Variants in C17orf78 observed in about 807,000 individuals in gnomAD.
C17orf78 encodes chromosome 17 open reading frame 78.
C17orf78 carries 27 observed loss-of-function variants against 31.8 expected under a neutral mutation model. The observed-to-expected ratio is 0.85, with a 90% CI of 0.63 to 1.17. The LOEUF is 1.17. C17orf78 is among the 50% of genes most tolerant of loss of function. The pLI, the probability that C17orf78 is intolerant of heterozygous loss-of-function variation, is 0.00. For missense variants in C17orf78, 258 were observed against 315.2 expected, an observed-to-expected ratio of 0.82 and a Z score of 1.37; for synonymous variants, 106 against 115.1, an observed-to-expected ratio of 0.92 and a Z score of 0.51.
chr17:37,384,031 C>T (rs1346031129), intron 3 of C17orf78, among the ~76,000 whole-genome samples: 4 of 152,008 alleles, frequency 2.6e-5, no homozygotes, highest in African/African-American at 7.2e-5. Flanking sequence ...TTTGGGAGCC[C>T]GAGGCGGGCA....
chr17:37,386,841 G>C (rs1304888789), intron 4 of C17orf78: 1 of 149,470 alleles, frequency 6.7e-6, no homozygotes, highest in African/African-American at 2.5e-5. Context: ...TTTTTTTTGA[G>C]ACAGGGTCTT....
At chr17:37,381,885 C>T (rs576604395) in intron 3 of C17orf78, among the ~76,000 whole-genome samples, 4 of 152,234 alleles carry the variant, frequency 2.6e-5, no homozygotes, top group Non-Finnish European at 5.9e-5. Context: ...CCTTGGCCTC[C>T]CAAAGTGCTG....
rs2049986510 is a variant in C17orf78, at chr17:37,376,026, C to T, written c.-67C>T. 3 of 1,375,918 alleles carry T rather than the reference C, an allele frequency of 2.2e-6. No individual in the cohort carries two copies. In the Admixed American group the frequency reaches 5.1e-5, roughly 23 times the overall value. The allele number at this position is 1,375,918 out of a possible 1,614,324, so 85.2% of individuals were successfully genotyped here. On this transcript the variant is annotated 5_prime_UTR_variant, in exon 1 of 7. Transcript: ENST00000615133. ...TGCGTGTGGTGAAAGCAACTAGAGG[C>T]AGAGCTATCAAGGGCTGTGACAGAT...
rs1409967268 is a variant in C17orf78, at chr17:37,392,023, T to G, written c.*299T>G. On this transcript the variant is annotated 3_prime_UTR_variant, in exon 7 of 7. Coordinates refer to ENST00000615133, the MANE Select transcript of C17orf78 (RefSeq NM_173625.5). ...CTATGAATGGACCTTACTACTCTCT[T>G]TGACAGAAGACTCAAACACAGCCTC... The G allele has an allele frequency of 3.0e-6, 1 of 337,084 alleles. No individual in the cohort carries two copies. The highest frequency in any genetic ancestry group is 5.5e-6 in the Non-Finnish European group (1 of 182,866). 20.9% of individuals were successfully genotyped at this position (337,084 alleles called of 1,614,324 possible).
At chr17:37,390,330 A>ATACATATATATATATCTATC (rs2050815584) in intron 6 of C17orf78, among the ~76,000 whole-genome samples, 3 of 41,584 alleles carry the variant, frequency 7.2e-5, no homozygotes, top group Admixed American at 5.0e-4. Context: ...ATATATATAT[A>ATACATATATATATATCTATC]TATAAAAGGC....
At chr17:37,376,887 G>A (rs1347218428) in intron 1 of C17orf78, among the ~76,000 whole-genome samples, 2 of 152,250 alleles carry the variant, frequency 1.3e-5, no homozygotes, top group East Asian at 3.9e-4. Flanking sequence ...CCTGGGAGGT[G>A]AGGTTGCAAT....
Position 37,390,171 on chromosome 17 carries a change from T to TAC in C17orf78, c.750+810_750+811insCA, listed in dbSNP as rs1214175820. Among the ~76,000 whole-genome samples, 34 of 56,170 alleles carry TAC rather than the reference T, an allele frequency of 6.1e-4. 2 individuals carry two copies. Among genetic ancestry groups the TAC allele is most frequent in the Admixed American group, 3.8e-3 (11 of 2,860 alleles). 36.8% of individuals were successfully genotyped at this position (56,170 alleles called of 152,430 possible). On this transcript the variant is annotated intron_variant, in intron 6 of 6. Transcript: ENST00000615133. The stretch of plus-strand genomic sequence containing the variant: ...ATATATATATATATATATATATATA[T>TAC]ATATACACACACACATTATATATAA...
intron 6 of C17orf78, 45 bp from the exon 7 acceptor site, chr17:37,391,602 C>T (rs780593895): frequency 1.3e-5 from 20 of 1,555,194 alleles, no homozygotes; most frequent in Non-Finnish European, 1.7e-5. Flanking sequence ...AAGAACTATA[C>T]ACTTGCATCC....
chr17:37,376,005 T>G lies in C17orf78; in HGVS notation c.-88T>G. 2 of 1,138,698 alleles carry G rather than the reference T, an allele frequency of 1.8e-6. No homozygotes were observed. Among genetic ancestry groups the G allele is most frequent in the Non-Finnish European group, 2.6e-6 (2 of 758,956 alleles). The allele number at this position is 1,138,698 out of a possible 1,614,324, so 70.5% of individuals were successfully genotyped here. ...AGGGTCAAACTTGGTTCCAGCTGCG[T>G]GTGGTGAAAGCAACTAGAGGCAGAG... On this transcript the variant is annotated 5_prime_UTR_variant, in exon 1 of 7. Transcript: ENST00000615133.
At chr17:37,379,821 TTGG>T (rs1568078313) in intron 3 of C17orf78, among the ~76,000 whole-genome samples, 1 of 147,504 alleles carries the variant, frequency 6.8e-6, no homozygotes, top group Non-Finnish European at 1.5e-5. Flanking sequence ...TTTTACACTG[TTGG>T]TGGGACTGTA....
intron 6 of C17orf78, among the ~76,000 whole-genome samples, chr17:37,390,209 A>G (rs2050752038): frequency 1.2e-5 from 1 of 81,750 alleles, no homozygotes; most frequent in Non-Finnish European, 2.1e-5. Context: ...ATATATAATT[A>G]TATATTTATT....
rs1176978447 is a variant in C17orf78 at position 37,379,172 on chromosome 17, C to G, written c.181C>G (p.Gln61Glu). Residue 61 changes from glutamine to glutamate, a missense_variant, in exon 3 of 7, where the codon CAA (glutamine) becomes GAA (glutamate). By Grantham distance (29) the Gln-to-Glu change is conservative. Transcript: ENST00000615133. Reference sequence around the variant, plus strand: ...AGAAACCAAAAGGACAACATTCATTCAAAACCGGACTATAGCTACCCTGCA... The same window carrying G: ...AGAAACCAAAAGGACAACATTCATTGAAAACCGGACTATAGCTACCCTGCA... ...HTETKRTTFI[Q>E]NRTIATLQCL... The G allele has an allele frequency of 6.2e-7, 1 of 1,613,930 alleles. No homozygotes were observed. The highest frequency in any genetic ancestry group is 2.2e-5 in the East Asian group (1 of 44,878).
intron 3 of C17orf78, among the ~76,000 whole-genome samples, chr17:37,383,874 A>G (rs2050412618): frequency 6.6e-6 from 1 of 152,174 alleles, no homozygotes; most frequent in Admixed American, 6.6e-5. Flanking sequence ...TTATGTATGA[A>G]CTTTTGAAAC....
At chr17:37,380,406 C>G (rs2050194687) in intron 3 of C17orf78, among the ~76,000 whole-genome samples, 1 of 151,496 alleles carries the variant, frequency 6.6e-6, no homozygotes, top group Non-Finnish European at 1.5e-5. Flanking sequence ...GCACATGTAC[C>G]CTAAAACTTA....
chr17:37,388,692 G>T lies in C17orf78; in HGVS notation c.531G>T (p.Lys177Asn). ...TAGACACAGATGAGAACCTAGAGAA[G>T]AGACAGAAATGGAGTATTGTGGTCA... Reference protein sequence around the residue: ...TSTDTDENLEKRQKWSIVVKI... With the variant: ...TSTDTDENLENRQKWSIVVKI... The change falls in exon 5 of 7, where the codon AAG (lysine) becomes AAT (asparagine). Residue 177 changes from lysine to asparagine, a missense_variant. Lys to Asn is a moderately conservative substitution (Grantham distance 94). Coordinates refer to ENST00000615133, the MANE Select transcript of C17orf78 (RefSeq NM_173625.5). 1 of 1,612,508 alleles carries T rather than the reference G, an allele frequency of 6.2e-7. No homozygotes were observed. Among genetic ancestry groups the T allele is most frequent in the Non-Finnish European group, 8.5e-7 (1 of 1,178,990 alleles).
At position 37,376,036 on chromosome 17, in the gene C17orf78, A is replaced by G; in HGVS notation, c.-57A>G. On this transcript the variant is annotated 5_prime_UTR_variant, in exon 1 of 7. Transcript: ENST00000615133. ...GAAAGCAACTAGAGGCAGAGCTATC[A>G]AGGGCTGTGACAGATGAGCAGTGGT... 6.1e-6 allele frequency: 9 copies of G among 1,470,672 alleles called. No individual in the cohort carries two copies. In the South Asian group the frequency reaches 1.0e-4, roughly 17 times the overall value. The allele number at this position is 1,470,672 out of a possible 1,614,324, so 91.1% of individuals were successfully genotyped here.
intron 6 of C17orf78, among the ~76,000 whole-genome samples, chr17:37,390,330 A>ATATATATATATATATATATCTATATC (rs1386032855): frequency 7.2e-5 from 3 of 41,576 alleles, no homozygotes; most frequent in African/African-American, 1.3e-4. Flanking sequence ...ATATATATAT[A>ATATATATATATATATATATCTATATC]TATAAAAGGC....
intron 5 of C17orf78, 59 bp from the exon 6 acceptor site, chr17:37,389,187 A>G (rs2050679479): frequency 6.5e-7 from 1 of 1,533,968 alleles, no homozygotes; most frequent in Admixed American, 2.1e-5. Context: ...AGAGGTTTGG[A>G]AGAAAACCAA....
chr17:37,376,974 A>T (rs1487679663), intron 1 of C17orf78, among the ~76,000 whole-genome samples: 3 of 152,198 alleles, frequency 2.0e-5, no homozygotes, highest in African/African-American at 7.2e-5. Flanking sequence ...AAATTAAAAT[A>T]AAAAAATAAA....
Sources: allele counts gnomAD v4.1 joint callset (sites outside exome capture counted in the v4.1 genomes callset), GRCh38; gene constraint gnomAD v4.1.1; transcripts MANE v1.5; gene names NCBI Gene and HGNC (gene_info 2026-07-23, HGNC 2026-07-21).